CFAP65: variants seen among roughly 807,000 people sequenced by gnomAD.
CFAP65 encodes cilia- and flagella-associated protein 65.
Under a neutral mutation model 208.0 loss-of-function variants are expected in CFAP65, and 155 were observed. The ratio of observed to expected loss-of-function variants is 0.75; its 90% CI spans 0.65 to 0.85. CFAP65 has a LOEUF of 0.85. CFAP65 is among the 40% of genes least tolerant of loss of function. The pLI is 0.00. For missense variants in CFAP65, 2,294 were observed against 2,451.3 expected (o/e 0.94, Z 1.36); for synonymous variants, 970 against 986.3 (o/e 0.98, Z 0.31).
intron 29 of CFAP65, among the ~76,000 whole-genome samples, chr2:219,008,042 C>T (rs1395635228): frequency 6.6e-6 from 1 of 152,158 alleles, no homozygotes; most frequent in Non-Finnish European, 1.5e-5. Context: ...TGGACTTGAA[C>T]TCCTGACCTC....
chr2:219,039,405 TCACA>T (rs1394492533), intron 2 of CFAP65, among the ~76,000 whole-genome samples: 1 of 152,130 alleles, frequency 6.6e-6, no homozygotes, highest in Non-Finnish European at 1.5e-5. Flanking sequence ...ATTTTCACAC[TCACA>T]CACCAAGACT....
At position 219,038,395 on chromosome 2, in the gene CFAP65, A is replaced by G; in HGVS notation, c.337T>C (p.Cys113Arg). 4 of 1,613,044 alleles carry G rather than the reference A, an allele frequency of 2.5e-6. No individual in the cohort carries two copies. Among genetic ancestry groups the G allele is most frequent in the Non-Finnish European group, 3.4e-6 (4 of 1,179,906 alleles). ...INDSSAAMSA[C>R]STISAQPASS... ...CTTACCTGGGCGCTGATGGTGCTGC[A>G]GGCACTCATGGCTGCACTGCTGTCG... The change falls in exon 4 of 35, where the codon TGC becomes CGC. Residue 113 changes from cysteine (C) to arginine (R), a missense_variant. Transcript: ENST00000341552.
At chr2:219,029,965 G>A in intron 10 of CFAP65, 21 bp downstream of exon 10, 1 of 1,592,746 alleles carries the variant, frequency 6.3e-7, no homozygotes, top group Non-Finnish European at 8.6e-7. Context: ...CCCCAGGGGA[G>A]GCCCCTGGGG....
intron 10 of CFAP65, 22 bp from the exon 11 acceptor site, chr2:219,029,690 T>TCAGCTTCCCCAAGGA: frequency 6.2e-7 from 1 of 1,606,828 alleles, no homozygotes. Flanking sequence ...AGATGGGGTA[T>TCAGCTTCCCCAAGGA]CAGCTTCCCC....
chr2:219,006,597 G>T, intron 29 of CFAP65, 88 bp from the exon 30 acceptor site: 1 of 1,304,298 alleles, frequency 7.7e-7, no homozygotes, highest in Non-Finnish European at 1.1e-6. Flanking sequence ...ACTTTGGAAG[G>T]CCAAGGCGGG....
rs971816076 is a variant in CFAP65 at position 219,032,883 on chromosome 2, C to T, written c.543-311G>A. Among the ~76,000 whole-genome samples the T allele has an allele frequency of 6.6e-6, 1 of 152,024 alleles. No individual in the cohort carries two copies. On this transcript the variant is annotated intron_variant, in intron 5 of 34. Coordinates refer to ENST00000341552, the MANE Select transcript of CFAP65 (RefSeq NM_194302.4). This position sits in a 1 kb window ranked among gnomAD's most constrained non-coding sequence, Gnocchi z 5.5. ...AGGGTTACCCAGATTTTAAAGAGTC[C>T]GCAAGCACTGAGGTGGGGGAACCAA... is the stretch of plus-strand genomic sequence containing the variant.
At chr2:219,020,570 G>GT (rs941067129) in intron 19 of CFAP65, among the ~76,000 whole-genome samples, 2 of 151,940 alleles carry the variant, frequency 1.3e-5, no homozygotes, top group Non-Finnish European at 2.9e-5. Flanking sequence ...TGTAGAGATG[G>GT]GGTCTTGCTA....
rs1438028266 is a variant in CFAP65 at position 219,021,180 on chromosome 2, G to C, written c.3231C>G (p.Thr1077=). The change falls in exon 19 of 35, where the codon ACC becomes ACG. Residue 1077 remains threonine (T), a synonymous_variant. Transcript: ENST00000341552. ...CPKQRSQYSW[T]ITYSLLSHRD... is the part of the protein sequence containing the mutation. ...TGTGGGAAAGGAGAGAGTAGGTGAT[G>C]GTCCAGGAGTACTGGGACCGCTGCT... The C allele has an allele frequency of 5.7e-6, 9 of 1,589,986 alleles. No individual in the cohort carries two copies. The highest frequency in any genetic ancestry group is 6.9e-6 in the Non-Finnish European group (8 of 1,167,642).
chr2:219,021,159 G>T lies in CFAP65; in HGVS notation c.3252C>A (p.Ser1084=). ...GCCAGGCAGTCTAGGTACCTCTGTG[G>T]GAAAGGAGAGAGTAGGTGATGGTCC... ...YSWTITYSLL[S]HRDNKAGEKQ... is the part of the protein sequence containing the mutation. The change falls in exon 19 of 35, where the codon TCC becomes TCA. Residue 1084 remains serine, a synonymous_variant. Transcript: ENST00000341552. The T allele has an allele frequency of 6.4e-7, 1 of 1,564,370 alleles. No homozygotes were observed. Among genetic ancestry groups the T allele is most frequent in the Non-Finnish European group, 8.7e-7 (1 of 1,153,524 alleles).
In CFAP65 at chr2:219,027,643, C is replaced by T. The variant is rs1041876480; in HGVS notation, c.2211+7G>A. On this transcript the variant is annotated splice_region_variant and intron_variant, in intron 13 of 34. Coordinates refer to ENST00000341552, the MANE Select transcript of CFAP65 (RefSeq NM_194302.4). ...CCGCATTCCTCCCTCTCATTGCGTG[C>T]ACACACCTTATAGATGGCGAAGGCT... 6.2e-7 allele frequency: 1 copy of T among 1,613,756 alleles called. No individual in the cohort carries two copies. The highest frequency in any genetic ancestry group is 8.5e-7 in the Non-Finnish European group (1 of 1,180,030).
chr2:219,019,768 C>G (rs1473851787), intron 19 of CFAP65, 49 bp from the exon 20 acceptor site: 1 of 1,521,996 alleles, frequency 6.6e-7, no homozygotes, highest in Non-Finnish European at 9.1e-7. Context: ...TCCCACCTTC[C>G]CTGGAGGGGG....
At position 219,031,403 on chromosome 2, in the gene CFAP65, CGACAAGGG is replaced by C. The variant is rs1574638089; in HGVS notation, c.815+78_815+85del. ...GGCAGAACCTCAGACTACCCTACCC[CGACAAGGG>C]TATGCCTGTCTCTCCTGCTTCCAGA... On this transcript the variant is annotated intron_variant, in intron 7 of 34. Transcript: ENST00000341552. This position sits in a 1 kb window ranked among gnomAD's most constrained non-coding sequence, Gnocchi z 5.2. 1.9e-5 allele frequency: 31 copies of C among 1,607,310 alleles called. No homozygotes were observed. The East Asian group carries it at 6.7e-4, about 35-fold the overall frequency.
rs768548576 is a variant in CFAP65, at chr2:219,035,522, A to G, written c.500T>C (p.Val167Ala). 1.2e-6 allele frequency: 2 copies of G among 1,614,066 alleles called. No homozygotes were observed. Among genetic ancestry groups the G allele is most frequent in the South Asian group, 2.2e-5 (2 of 91,054 alleles). The change falls in exon 5 of 35, where the codon GTT becomes GCT. Residue 167 changes from valine (V) to alanine (A), a missense_variant. This residue lies in a region of CFAP65 where 867 missense variants were observed against 1,012.6 expected (regional missense o/e 0.86). Transcript: ENST00000341552. ...ELGKETTRNL[V>A]LKNRSLKLQK... ...GAGTTTCAAGGATCGATTTTTCAGA[A>G]CCAGATTCCTTGTGGTCTCCTTTCC...
chr2:219,008,324 C>T (rs1173526336), intron 29 of CFAP65, among the ~76,000 whole-genome samples: 1 of 152,142 alleles, frequency 6.6e-6, no homozygotes, highest in Non-Finnish European at 1.5e-5. Context: ...CTTCTTACAG[C>T]TGAAGGAACT....
At chr2:219,038,680 G>C (rs1559168514) in intron 3 of CFAP65, 102 bp from the exon 4 acceptor site, 1 of 1,224,356 alleles carries the variant, frequency 8.2e-7, no homozygotes, top group East Asian at 2.4e-5. Context: ...GAGAGGGTCT[G>C]CTTCCCAGCT....
At chr2:219,036,710 CTGGGATTA>C (rs1159350185) in intron 4 of CFAP65, among the ~76,000 whole-genome samples, 1 of 152,206 alleles carries the variant, frequency 6.6e-6, no homozygotes, top group East Asian at 1.9e-4. Context: ...TCCCAAAGAG[CTGGGATTA>C]CAGGTGTGAG....
At chr2:219,024,424 C>T (rs573150630) in intron 14 of CFAP65, among the ~76,000 whole-genome samples, 164 bp from the exon 15 acceptor site, 4 of 134,574 alleles carry the variant, frequency 3.0e-5, no homozygotes, top group Non-Finnish European at 6.0e-5. Flanking sequence ...AAGGAGGCCA[C>T]GAGCTGACAC....
intron 4 of CFAP65, among the ~76,000 whole-genome samples, chr2:219,035,954 T>G (rs947179834): frequency 6.6e-6 from 1 of 152,188 alleles, no homozygotes; most frequent in Non-Finnish European, 1.5e-5. Context: ...TCAGCCACTC[T>G]GTGCAAACAC....
chr2:219,003,846 G>C lies in CFAP65; in HGVS notation c.5555+106C>G. The C allele has an allele frequency of 7.3e-7, 1 of 1,365,542 alleles. No individual in the cohort carries two copies. Among genetic ancestry groups the C allele is most frequent in the Non-Finnish European group, 1.0e-6 (1 of 992,214 alleles). The allele number at this position is 1,365,542 out of a possible 1,614,324, so 84.6% of individuals were successfully genotyped here. On this transcript the variant is annotated intron_variant, in intron 33 of 34. Coordinates refer to ENST00000341552, the MANE Select transcript of CFAP65 (RefSeq NM_194302.4). This position sits in a 1 kb window ranked among gnomAD's most constrained non-coding sequence, Gnocchi z 4.4. ...ATGACCTCACTAAGCACTGAATTAG[G>C]ATGAGATGTGCATACAGGCAGCAGC...
Sources: gnomAD v4.1 joint callset for allele counts (sites outside exome capture counted in the v4.1 genomes callset) on GRCh38, gnomAD v4.1.1 for gene constraint, gnomAD v4.1.1 regional missense constraint, Gnocchi (gnomAD v3.1) non-coding constraint, MANE v1.5 for transcripts, NCBI Gene and HGNC (gene_info 2026-07-23, HGNC 2026-07-21) for gene names.